Variants in NLRP13 observed in about 807,000 individuals in gnomAD.
NLRP13 encodes NACHT, LRR and PYD domains-containing protein 13.
A neutral mutation model predicts 94.4 loss-of-function variants in NLRP13; 82 were observed. The observed-to-expected ratio is 0.87, with a 90% CI of 0.73 to 1.04. The LOEUF is 1.04. Ranked by LOEUF, NLRP13 falls within the 50% of genes least tolerant of loss-of-function variation. The probability of loss-of-function intolerance (pLI) is 0.00; values close to 1 mark genes in which losing one functional copy is unlikely to be tolerated. For missense variants in NLRP13, 1,426 were observed against 1,230.8 expected (o/e 1.16, Z -2.37); for synonymous variants, 553 against 464.7 (o/e 1.19, Z -2.45).
chr19:55,925,329 C>T (rs1986942024), intron 1 of NLRP13, among the ~76,000 whole-genome samples: 1 of 152,240 alleles, frequency 6.6e-6, no homozygotes, highest in Non-Finnish European at 1.5e-5. Flanking sequence ...TGAAATCTTA[C>T]CTCCACAATG....
intron 1 of NLRP13, 97 bp downstream of exon 1, chr19:55,931,896 T>C: frequency 5.2e-6 from 5 of 959,378 alleles, no homozygotes; most frequent in Non-Finnish European, 8.1e-6. Flanking sequence ...TAGGGGGAGA[T>C]CGGCAGTGTG....
In NLRP13 at chr19:55,896,248, G is replaced by C. The variant is rs1293832948; in HGVS notation, c.2958-129C>G. On this transcript the variant is annotated intron_variant, in intron 10 of 10. Coordinates refer to ENST00000342929, the MANE Select transcript of NLRP13 (RefSeq NM_176810.2). The stretch of plus-strand genomic sequence containing the variant: ...TGCTTAAGAGTGGAGCACTTGGCCA[G>C]GCACAGTGGCTCACGCCTGTAATCC... 4 of 993,992 alleles carry C rather than the reference G, an allele frequency of 4.0e-6. No individual in the cohort carries two copies. In the African/African-American group the frequency reaches 6.5e-5, roughly 16 times the overall value. 61.6% of individuals were successfully genotyped at this position (993,992 alleles called of 1,614,324 possible).
chr19:55,907,677 C>G (rs1477113216), intron 7 of NLRP13, 115 bp downstream of exon 7: 1 of 982,030 alleles, frequency 1.0e-6, no homozygotes, highest in Non-Finnish European at 1.6e-6. Context: ...TTTGCTCATC[C>G]TTCTCTGTCT....
intron 1 of NLRP13, among the ~76,000 whole-genome samples, chr19:55,930,192 A>C (rs949060624): frequency 3.3e-5 from 5 of 152,184 alleles, no homozygotes; most frequent in African/African-American, 1.2e-4. Flanking sequence ...AAGCTGTACA[A>C]GGTCAAGCAC....
chr19:55,916,976 A>G (rs773225403), intron 4 of NLRP13, among the ~76,000 whole-genome samples: 7 of 152,146 alleles, frequency 4.6e-5, no homozygotes, highest in Non-Finnish European at 7.4e-5. Flanking sequence ...AGAGAAAATA[A>G]TCTAGTCACC....
At chr19:55,923,107 G>A (rs1986874977) in intron 4 of NLRP13, among the ~76,000 whole-genome samples, 1 of 152,052 alleles carries the variant, frequency 6.6e-6, no homozygotes, top group African/African-American at 2.4e-5. Context: ...ATCTCCATAG[G>A]GCCACTGGTA....
chr19:55,895,174 C>A (rs1406292183), downstream of NLRP13, among the ~76,000 whole-genome samples: 6 of 148,634 alleles, frequency 4.0e-5, no homozygotes, highest in South Asian at 4.3e-4. Flanking sequence ...CATGGTGAAA[C>A]CCCCGTGTCT....
chr19:55,930,699 A>T (rs1417877969), intron 1 of NLRP13, among the ~76,000 whole-genome samples: 1 of 150,304 alleles, frequency 6.7e-6, no homozygotes, highest in Non-Finnish European at 1.5e-5. Context: ...AAAAAAAAAA[A>T]AAAAAAAAGA....
chr19:55,912,857 C>G lies in NLRP13; in HGVS notation c.960G>C (p.Glu320Asp), dbSNP rs761364584. ...CATCATCCAAGCTCTCAGAGCGTGA[C>G]TCAGATATGATTATTTCCTCAAAGC... ...IDGFEEIIISESRSESLDDGS... is the reference protein window; with the variant it reads ...IDGFEEIIISDSRSESLDDGS... The change falls in exon 5 of 11, where the codon GAG becomes GAC. Residue 320 changes from glutamate (E) to aspartate (D), a missense_variant. Glu to Asp is a conservative substitution (Grantham distance 45). Transcript: ENST00000342929. The G allele has an allele frequency of 7.4e-6, 12 of 1,614,166 alleles. No individual in the cohort carries two copies. Among genetic ancestry groups the G allele is most frequent in the Middle Eastern group, 1.6e-4 (1 of 6,062 alleles).
chr19:55,925,834 G>A (rs41393444), intron 1 of NLRP13, among the ~76,000 whole-genome samples: 20,520 of 152,066 alleles, frequency 0.13, 1,513 homozygotes, highest in East Asian at 0.22. Flanking sequence ...AGCAAGCTGT[G>A]TCCTGCACTT....
At chr19:55,917,332 G>A (rs2123132292) in intron 4 of NLRP13, among the ~76,000 whole-genome samples, 2 of 152,050 alleles carry the variant, frequency 1.3e-5, no homozygotes, top group Middle Eastern at 6.8e-3. Flanking sequence ...TCAAATGATA[G>A]CATGACACAA....
chr19:55,930,898 A>ATATATATATATAT, intron 1 of NLRP13, among the ~76,000 whole-genome samples: 5 of 104,888 alleles, frequency 4.8e-5, no homozygotes, highest in African/African-American at 1.5e-4. Flanking sequence ...ATATATATAT[A>ATATATATATATAT]AAATTTTAAC....
At position 55,910,579 on chromosome 19, in the gene NLRP13, T is replaced by C. The variant is rs761081430; in HGVS notation, c.2266A>G (p.Lys756Glu). 3.1e-6 allele frequency: 5 copies of C among 1,604,354 alleles called. No individual in the cohort carries two copies. The African/African-American group carries it at 6.7e-5, about 21-fold the overall frequency. Residue 756 changes from lysine (K) to glutamate (E), a missense_variant, in exon 6 of 11, where the codon AAA becomes GAA. Lys to Glu is a moderately conservative substitution (Grantham distance 56). Transcript: ENST00000342929. ...CACACTTACGTCAGTTTCTGGACTT[T>C]GCATCTTGGATTTTTCAGTGCAAGA... ...LCLALKNPRC[K>E]VQKLTCKSVT...
In NLRP13 at chr19:55,905,146, C is replaced by T; in HGVS notation, c.2448-34G>A. The T allele has an allele frequency of 3.1e-6, 5 of 1,609,574 alleles. No individual in the cohort carries two copies. The South Asian group carries it at 3.3e-5, about 11-fold the overall frequency. On this transcript the variant is annotated intron_variant, in intron 7 of 10. Transcript: ENST00000342929. Reference sequence around the variant, plus strand: ...GGTGCAGGTGCAAGGTGAGCCTCAGCCATGATGCCCAGGTTCCTCTACCTT... The same window carrying T: ...GGTGCAGGTGCAAGGTGAGCCTCAGTCATGATGCCCAGGTTCCTCTACCTT...
rs112660522 is a variant in NLRP13 at position 55,917,245 on chromosome 19, A to G, written c.524-3952T>C. On this transcript the variant is annotated intron_variant, in intron 4 of 10. Transcript: ENST00000342929. Reference sequence around the variant, plus strand: ...TCTAAACATGGAACTAAAAAGGTTGATACTTGCCATCACAAAAACACACAA... The same window carrying G: ...TCTAAACATGGAACTAAAAAGGTTGGTACTTGCCATCACAAAAACACACAA... 1.8e-3 allele frequency among the ~76,000 whole-genome samples: 280 copies of G among 152,240 alleles called. 2 individuals carry two copies. The highest frequency in any genetic ancestry group is 5.3e-3 in the African/African-American group (221 of 41,580).
intron 4 of NLRP13, among the ~76,000 whole-genome samples, chr19:55,923,016 G>T (rs763307153): frequency 2.6e-5 from 4 of 152,086 alleles, no homozygotes; most frequent in Non-Finnish European, 5.9e-5. Flanking sequence ...GATTCTTTGG[G>T]GCTTGTATAC....
rs1986546934 is a variant in NLRP13 at position 55,912,449 on chromosome 19, A to C, written c.1368T>G (p.Tyr456Ter). 4.3e-6 allele frequency: 7 copies of C among 1,614,088 alleles called. No individual in the cohort carries two copies. The South Asian group carries it at 7.7e-5, about 18-fold the overall frequency. ...QSITQTTTSL[Y>*]AYFFSNLFST... ...AGAACAAGTTGGAGAAAAAATAGGC[A>C]TACAGACTGGTGGTAGTCTGAGTGA... The change falls in exon 5 of 11, where the codon TAT becomes TAG. Residue 456 changes from tyrosine to a stop codon, truncating the protein, a stop_gained. Transcript: ENST00000342929. LOFTEE classifies it high-confidence loss of function.
intron 4 of NLRP13, among the ~76,000 whole-genome samples, chr19:55,918,519 A>G (rs1333719961): frequency 2.0e-5 from 3 of 152,018 alleles, no homozygotes; most frequent in African/African-American, 7.2e-5. Context: ...GATTCAAACA[A>G]ACAATCAGAA....
At chr19:55,917,424 A>G (rs995820873) in intron 4 of NLRP13, among the ~76,000 whole-genome samples, 6 of 152,136 alleles carry the variant, frequency 3.9e-5, no homozygotes, top group African/African-American at 9.6e-5. Context: ...AAAAGGTCAT[A>G]TATCAATATT....
Sources: gnomAD v4.1 joint callset for allele counts (sites outside exome capture counted in the v4.1 genomes callset) on GRCh38, gnomAD v4.1.1 for gene constraint, MANE v1.5 for transcripts, NCBI Gene and HGNC (gene_info 2026-07-23, HGNC 2026-07-21) for gene names.